Variants in DYM observed in about 807,000 individuals in gnomAD.
The protein encoded by DYM is dymeclin.
Under a neutral mutation model 93.1 loss-of-function variants are expected in DYM, and 78 were observed. The ratio of observed to expected loss-of-function variants is 0.84; its 90% CI spans 0.70 to 1.01. The LOEUF (loss-of-function observed/expected upper bound fraction) is 1.01. Among genes scored for constraint, DYM ranks in the 50% least tolerant of loss-of-function variants. DYM has a pLI of 0.00. For missense variants in DYM, 789 were observed against 845.0 expected, an observed-to-expected ratio of 0.93 and a Z score of 0.82; for synonymous variants, 321 against 319.7, an observed-to-expected ratio of 1.00 and a Z score of -0.04.
At chr18:49,098,781 G>C (rs974244888) in intron 16 of DYM, among the ~76,000 whole-genome samples, 1 of 152,210 alleles carries the variant, frequency 6.6e-6, no homozygotes, top group African/African-American at 2.4e-5. Context: ...TGTTCACAGA[G>C]TTTAGACACA....
Position 49,044,210 on chromosome 18 carries a change from A to G in DYM, c.2026-6T>C. 6.2e-7 allele frequency: 1 copy of G among 1,614,126 alleles called. No homozygotes were observed. Among genetic ancestry groups the G allele is most frequent in the African/African-American group, 1.3e-5 (1 of 75,060 alleles). On this transcript the variant is annotated splice_polypyrimidine_tract_variant and splice_region_variant and intron_variant, in intron 17 of 17. Coordinates refer to ENST00000675505, the MANE Select transcript of DYM (RefSeq NM_001353214.3). Reference sequence around the variant, plus strand: ...AATTTCAATTCTGGAAATTTCTGCAATGAAAATAAGATGATTTTATAATCC... The same window carrying G: ...AATTTCAATTCTGGAAATTTCTGCAGTGAAAATAAGATGATTTTATAATCC...
At chr18:49,211,237 G>A (rs868152269) in intron 13 of DYM, among the ~76,000 whole-genome samples, 12 of 152,074 alleles carry the variant, frequency 7.9e-5, no homozygotes, top group Admixed American at 1.3e-4. Context: ...ATTTTAAACC[G>A]CTCCAAGATT....
chr18:49,089,885 C>T (rs1174869258), intron 17 of DYM, among the ~76,000 whole-genome samples: 1 of 152,144 alleles, frequency 6.6e-6, no homozygotes, highest in African/African-American at 2.4e-5. Flanking sequence ...AGTCCTTGTC[C>T]TGCAAAATGA....
rs566139144 is a variant in DYM, at chr18:49,079,995, C to T, written c.2025+17407G>A. On this transcript the variant is annotated intron_variant, in intron 17 of 17. Coordinates refer to ENST00000675505, the MANE Select transcript of DYM (RefSeq NM_001353214.3). ...AGTAGGGGCGGCCGGGCAGAGGCGCCCCTCACCTCCCGGACGGGGCGGCTG... is the reference window on the plus strand; with the variant it reads ...AGTAGGGGCGGCCGGGCAGAGGCGCTCCTCACCTCCCGGACGGGGCGGCTG... 8.3e-4 allele frequency among the ~76,000 whole-genome samples: 125 copies of T among 150,070 alleles called. 1 individual carries two copies. The South Asian group carries it at 0.026, about 31-fold the overall frequency.
intron 8 of DYM, among the ~76,000 whole-genome samples, chr18:49,316,000 G>A (rs1018086637): frequency 4.6e-5 from 7 of 152,166 alleles, no homozygotes; most frequent in African/African-American, 1.7e-4. Flanking sequence ...TTCATGAATA[G>A]GCCGTGTGCA....
intron 15 of DYM, among the ~76,000 whole-genome samples, chr18:49,141,622 TA>T: frequency 6.6e-6 from 1 of 152,224 alleles, no homozygotes; most frequent in Non-Finnish European, 1.5e-5. Flanking sequence ...AGGTCTCAGT[TA>T]AATATCACTT....
intron 17 of DYM, among the ~76,000 whole-genome samples, chr18:49,083,754 T>C (rs1361933339): frequency 6.6e-6 from 1 of 152,196 alleles, no homozygotes; most frequent in Non-Finnish European, 1.5e-5. Flanking sequence ...GAATTGCTCA[T>C]TTCATCTACA....
At chr18:49,296,227 T>C (rs149712322) in intron 8 of DYM, among the ~76,000 whole-genome samples, 173 of 152,260 alleles carry the variant, frequency 1.1e-3, no homozygotes, top group African/African-American at 3.9e-3. Context: ...CCCAAAACCA[T>C]ACTATTTCTA....
rs150774684 is a variant in DYM, at chr18:49,420,584, C to T, written c.140+9671G>A. ...AGAAACAACTCCAGTCTACAGCTCC[C>T]AGCATGAGCAACACAGAAGACGGGT... On this transcript the variant is annotated intron_variant, in intron 2 of 17. Coordinates refer to ENST00000675505, the MANE Select transcript of DYM (RefSeq NM_001353214.3). Among the ~76,000 whole-genome samples, 595 of 152,222 alleles carry T rather than the reference C, an allele frequency of 3.9e-3. 3 individuals are homozygous for T. The highest frequency in any genetic ancestry group is 0.014 in the African/African-American group (578 of 41,532).
chr18:49,379,681 A>T lies in DYM; in HGVS notation c.271T>A (p.Ser91Thr). Residue 91 changes from serine to threonine, a missense_variant, in exon 4 of 18, where the codon TCA (serine) becomes ACA (threonine). By Grantham distance (58) the Ser-to-Thr change is moderately conservative. This residue lies in a region of DYM where 450 missense variants were observed against 436.2 expected (regional missense o/e 1.03). Coordinates refer to ENST00000675505, the MANE Select transcript of DYM (RefSeq NM_001353214.3). ...CCAGCTTACTTCTGACATTCTGCTGAAAGTTTTAGTTCTTTGGTTCTAGAA... is the reference window on the plus strand; with the variant it reads ...CCAGCTTACTTCTGACATTCTGCTGTAAGTTTTAGTTCTTTGGTTCTAGAA... ...FLSRTKELKL[S>T]AECQNHIFIW... 1 of 1,612,444 alleles carries T rather than the reference A, an allele frequency of 6.2e-7. No homozygotes were observed. The highest frequency in any genetic ancestry group is 1.3e-5 in the African/African-American group (1 of 75,014).
chr18:49,403,998 GTTT>G (rs113425880), intron 2 of DYM, among the ~76,000 whole-genome samples: 18 of 147,472 alleles, frequency 1.2e-4, no homozygotes, highest in Admixed American at 6.8e-4. Flanking sequence ...TGTTTTTTCT[GTTT>G]TTTTTTTGTT....
intron 16 of DYM, among the ~76,000 whole-genome samples, chr18:49,112,373 G>A (rs2081500071): frequency 6.6e-6 from 1 of 152,052 alleles, no homozygotes; most frequent in Non-Finnish European, 1.5e-5. Flanking sequence ...CCTTTAGCAA[G>A]TTATTAAAAT....
At chr18:49,289,526 A>G in intron 8 of DYM, among the ~76,000 whole-genome samples, 1 of 148,808 alleles carries the variant, frequency 6.7e-6, no homozygotes, top group South Asian at 2.1e-4. Context: ...ACACAGTGAG[A>G]CCTTGTCTCT....
At position 49,332,088 on chromosome 18, in the gene DYM, CATTAACACT is replaced by C. The variant is rs1310646050; in HGVS notation, c.621-91_621-83del. 4.4e-6 allele frequency: 6 copies of C among 1,378,456 alleles called. No individual in the cohort carries two copies. The African/African-American group carries it at 8.6e-5, about 20-fold the overall frequency. The allele number at this position is 1,378,456 out of a possible 1,614,324, so 85.4% of individuals were successfully genotyped here. ...AATAACAATACAGAAATAATTCTGC[CATTAACACT>C]ATCTGTTAATACAAAAGGGCTATTG... On this transcript the variant is annotated intron_variant, in intron 7 of 17. Coordinates refer to ENST00000675505, the MANE Select transcript of DYM (RefSeq NM_001353214.3).
chr18:49,400,477 A>G (rs1257569986), intron 2 of DYM, among the ~76,000 whole-genome samples: 1 of 152,138 alleles, frequency 6.6e-6, no homozygotes, highest in Non-Finnish European at 1.5e-5. Flanking sequence ...CAGAGCCCAC[A>G]TTATAAGCTC....
At chr18:49,348,207 G>C (rs1031721803) in intron 6 of DYM, among the ~76,000 whole-genome samples, 2 of 152,174 alleles carry the variant, frequency 1.3e-5, no homozygotes, top group Non-Finnish European at 2.9e-5. Flanking sequence ...TGATGGTACT[G>C]TAAATGGAAC....
At chr18:49,051,336 C>T (rs2072415075) in intron 17 of DYM, among the ~76,000 whole-genome samples, 1 of 152,194 alleles carries the variant, frequency 6.6e-6, no homozygotes, top group East Asian at 1.9e-4. Context: ...TGTCTTGGCT[C>T]AGCAGGTGGC....
intron 6 of DYM, among the ~76,000 whole-genome samples, chr18:49,336,571 T>C (rs1044226581): frequency 6.6e-6 from 1 of 152,192 alleles, no homozygotes; most frequent in Admixed American, 6.5e-5. Flanking sequence ...GTGTCTTCCG[T>C]AGGCCCAGAG....
intron 3 of DYM, among the ~76,000 whole-genome samples, chr18:49,386,830 T>A (rs979518286): frequency 7.9e-5 from 12 of 152,204 alleles, no homozygotes; most frequent in Admixed American, 6.5e-4. Context: ...TGAAGGTTTG[T>A]GGCAACCTTG....
Sources: gnomAD v4.1 joint callset for allele counts (sites outside exome capture counted in the v4.1 genomes callset) on GRCh38, gnomAD v4.1.1 for gene constraint, gnomAD v4.1.1 regional missense constraint, MANE v1.5 for transcripts, NCBI Gene and HGNC (gene_info 2026-07-23, HGNC 2026-07-21) for gene names.